CTNNA3: variants seen among roughly 807,000 people sequenced by gnomAD.
CTNNA3 encodes catenin alpha 3.
In CTNNA3, 76 loss-of-function variants were observed where a neutral mutation model predicts 95.7. The ratio of observed to expected loss-of-function variants is 0.79; its 90% CI spans 0.66 to 0.96. The LOEUF is 0.96. CTNNA3 is among the 40% of genes least tolerant of loss of function. The probability of loss-of-function intolerance (pLI) is 0.00; values close to 1 mark genes in which losing one functional copy is unlikely to be tolerated. For missense variants in CTNNA3, 1,191 were observed against 1,089.8 expected (o/e 1.09, Z -1.31); for synonymous variants, 431 against 374.4 (o/e 1.15, Z -1.74).
At chr10:67,366,173 A>G (rs1041085037) in intron 5 of CTNNA3, among the ~76,000 whole-genome samples, 4 of 152,072 alleles carry the variant, frequency 2.6e-5, no homozygotes, top group African/African-American at 4.8e-5. Flanking sequence ...ACATGGACAC[A>G]AGGCAGGGAA....
At chr10:67,621,832 C>T (rs1281606706) in intron 2 of CTNNA3, among the ~76,000 whole-genome samples, 1 of 151,892 alleles carries the variant, frequency 6.6e-6, no homozygotes, top group South Asian at 2.1e-4. Context: ...CATTTTACAT[C>T]GTAGGAGCCA....
At chr10:67,503,991 A>G (rs1483814068) in intron 5 of CTNNA3, among the ~76,000 whole-genome samples, 1 of 148,606 alleles carries the variant, frequency 6.7e-6, no homozygotes, top group African/African-American at 2.4e-5. Context: ...CCCCGTCTCT[A>G]CTAAAAATAC....
At chr10:66,432,250 A>G in intron 11 of CTNNA3, among the ~76,000 whole-genome samples, 1 of 152,206 alleles carries the variant, frequency 6.6e-6, no homozygotes, top group East Asian at 1.9e-4. Flanking sequence ...AAGCTAACCT[A>G]CTCATCCAGA....
intron 11 of CTNNA3, among the ~76,000 whole-genome samples, chr10:66,385,109 G>C (rs1171851699): frequency 3.9e-5 from 6 of 152,084 alleles, no homozygotes; most frequent in African/African-American, 9.7e-5. Flanking sequence ...ACCTGAAAGA[G>C]ATAGAGACAC....
chr10:66,482,020 A>C (rs1839555168), intron 11 of CTNNA3, among the ~76,000 whole-genome samples: 1 of 152,118 alleles, frequency 6.6e-6, no homozygotes, highest in African/African-American at 2.4e-5. Flanking sequence ...CATCCAAATT[A>C]GGTCTAAATT....
In CTNNA3 at chr10:66,126,756, T is replaced by C. The variant is rs144697372; in HGVS notation, c.1885-23507A>G. On this transcript the variant is annotated intron_variant, in intron 13 of 17. Coordinates refer to ENST00000433211, the MANE Select transcript of CTNNA3 (RefSeq NM_013266.4). ...AAAGCAATATGGAATTCTAACCCAA[T>C]GTATAAACTAAATATCCATAAGTCC... is the stretch of plus-strand genomic sequence containing the variant. 3.5e-3 allele frequency among the ~76,000 whole-genome samples: 530 copies of C among 152,294 alleles called. 6 individuals carry two copies. Among genetic ancestry groups the C allele is most frequent in the African/African-American group, 0.012 (485 of 41,560 alleles).
intron 7 of CTNNA3, among the ~76,000 whole-genome samples, chr10:67,049,443 C>T (rs1854951267): frequency 1.3e-5 from 2 of 152,040 alleles, no homozygotes; most frequent in Admixed American, 1.3e-4. Flanking sequence ...TATAATTATT[C>T]TATAATCTAA....
intron 12 of CTNNA3, among the ~76,000 whole-genome samples, chr10:66,356,980 A>T (rs2092616095): frequency 6.6e-6 from 1 of 151,820 alleles, no homozygotes; most frequent in African/African-American, 2.4e-5. Flanking sequence ...TACAGTTATT[A>T]CTCTATATTG....
At chr10:67,392,263 C>T (rs973505701) in intron 5 of CTNNA3, among the ~76,000 whole-genome samples, 1 of 152,218 alleles carries the variant, frequency 6.6e-6, no homozygotes, top group Non-Finnish European at 1.5e-5. Flanking sequence ...ACAGACACTT[C>T]TCAAAAGAAG....
chr10:66,229,814 C>T (rs879680100), intron 13 of CTNNA3, among the ~76,000 whole-genome samples: 1 of 152,002 alleles, frequency 6.6e-6, no homozygotes, highest in Admixed American at 6.6e-5. Flanking sequence ...AGGTTTCTGC[C>T]TTTTAGCATC....
intron 12 of CTNNA3, among the ~76,000 whole-genome samples, chr10:66,365,737 G>C (rs566250078): frequency 6.7e-6 from 1 of 149,390 alleles, no homozygotes; most frequent in South Asian, 2.1e-4. Context: ...GTTATACAAA[G>C]ATGCTGGCTT....
At chr10:67,372,119 G>C (rs1843490167) in intron 5 of CTNNA3, among the ~76,000 whole-genome samples, 2 of 151,738 alleles carry the variant, frequency 1.3e-5, no homozygotes, top group Non-Finnish European at 2.9e-5. Flanking sequence ...TGTAGATTCT[G>C]GATATTAGCC....
chr10:66,239,137 A>T (rs554347140), intron 13 of CTNNA3, among the ~76,000 whole-genome samples: 2 of 152,000 alleles, frequency 1.3e-5, no homozygotes, highest in East Asian at 3.9e-4. Flanking sequence ...GAAACATGGT[A>T]GTTTTCAATA....
intron 5 of CTNNA3, among the ~76,000 whole-genome samples, chr10:67,505,982 A>G (rs1408595842): frequency 6.6e-6 from 1 of 152,228 alleles, no homozygotes; most frequent in Non-Finnish European, 1.5e-5. Flanking sequence ...TTACAAGTTC[A>G]TATTGTGGCA....
chr10:67,217,768 T>G (rs1864450179), intron 6 of CTNNA3, among the ~76,000 whole-genome samples: 1 of 152,128 alleles, frequency 6.6e-6, no homozygotes, highest in African/African-American at 2.4e-5. Context: ...ATGGGAGCAT[T>G]CTCTGACACA....
At position 67,030,477 on chromosome 10, in the gene CTNNA3, A is replaced by C. The variant is rs1015324555; in HGVS notation, c.1047+149840T>G. Among the ~76,000 whole-genome samples the C allele has an allele frequency of 2.0e-5, 3 of 152,136 alleles. No homozygotes were observed. The East Asian group carries it at 5.8e-4, about 29-fold the overall frequency. On this transcript the variant is annotated intron_variant, in intron 7 of 17. Transcript: ENST00000433211. ...TATTTATACATTATGTGTATATAAT[A>C]TATTCACACCCACACAAAAAATATA...
At chr10:66,761,053 A>T (rs887171768) in intron 9 of CTNNA3, among the ~76,000 whole-genome samples, 1 of 152,176 alleles carries the variant, frequency 6.6e-6, no homozygotes, top group Admixed American at 6.6e-5. Flanking sequence ...ATAATCAAAC[A>T]TATCCTTATT....
chr10:66,842,243 G>A (rs1843092820), intron 7 of CTNNA3, among the ~76,000 whole-genome samples: 1 of 151,350 alleles, frequency 6.6e-6, no homozygotes, highest in Admixed American at 6.6e-5. Flanking sequence ...ATGCCCAGCT[G>A]CTACTTTCTT....
chr10:67,688,326 G>A (rs1286513557), intron 1 of CTNNA3, among the ~76,000 whole-genome samples: 1 of 152,090 alleles, frequency 6.6e-6, no homozygotes, highest in Non-Finnish European at 1.5e-5. Context: ...TTCCTTCTGG[G>A]TGGGGGAGAT....
Sources: allele counts gnomAD v4.1 joint callset (sites outside exome capture counted in the v4.1 genomes callset), GRCh38; gene constraint gnomAD v4.1.1; transcripts MANE v1.5; gene names NCBI Gene and HGNC (gene_info 2026-07-23, HGNC 2026-07-21).